RALYL: variants seen among roughly 807,000 people sequenced by gnomAD.
The protein encoded by RALYL is RALY RNA binding protein like, also known as RNA-binding Raly-like protein.
A neutral mutation model predicts 35.1 loss-of-function variants in RALYL; 29 were observed. The observed-to-expected ratio is 0.83, with a 90% CI of 0.61 to 1.13. The LOEUF (loss-of-function observed/expected upper bound fraction) is 1.13. Among genes scored for constraint, RALYL ranks in the 50% most tolerant of loss-of-function variants. RALYL has a pLI of 0.00. For missense variants in RALYL, 359 were observed against 360.4 expected (o/e 1.00, Z 0.03); for synonymous variants, 120 against 127.6 (o/e 0.94, Z 0.40).
intron 1 of RALYL, among the ~76,000 whole-genome samples, chr8:84,196,307 A>G (rs1815260887): frequency 6.6e-6 from 1 of 152,224 alleles, no homozygotes; most frequent in African/African-American, 2.4e-5. Context: ...ATGGAAGAGA[A>G]AGAAGGAGGT....
Position 84,873,282 on chromosome 8 carries a change from A to G in RALYL, c.572-2A>G. 1 of 1,530,306 alleles carries G rather than the reference A, an allele frequency of 6.5e-7. No individual in the cohort carries two copies. 94.8% of individuals were successfully genotyped at this position (1,530,306 alleles called of 1,614,324 possible). A position where few individuals can be genotyped will look rare whatever the true frequency, so the allele number is the denominator to read the frequency against. ...GTTTTCTTCCTTCTTTCTACTTTCCAGTGAAATCAGATGAGTTACAGACCA... is the reference window on the plus strand; with the variant it reads ...GTTTTCTTCCTTCTTTCTACTTTCCGGTGAAATCAGATGAGTTACAGACCA... On this transcript the variant is annotated splice_acceptor_variant, in intron 6 of 8. Coordinates refer to ENST00000521268, the MANE Select transcript of RALYL (RefSeq NM_173848.7). LOFTEE classifies it high-confidence loss of function.
intron 1 of RALYL, among the ~76,000 whole-genome samples, chr8:84,478,786 C>A (rs1032268184): frequency 1.2e-4 from 18 of 151,650 alleles, no homozygotes; most frequent in Admixed American, 8.6e-4. Context: ...GTTTATCTTG[C>A]CTTAGGAATC....
intron 4 of RALYL, among the ~76,000 whole-genome samples, chr8:84,834,373 AC>A (rs1210568020): frequency 2.0e-5 from 3 of 152,226 alleles, no homozygotes; most frequent in African/African-American, 7.2e-5. Context: ...TGCAAATCTC[AC>A]TGGAGGAGAT....
chr8:84,638,948 G>A (rs1225315676), intron 2 of RALYL, among the ~76,000 whole-genome samples: 63 of 42,600 alleles, frequency 1.5e-3, no homozygotes, highest in Middle Eastern at 0.014. Flanking sequence ...CCATATATAT[G>A]TACACACACA....
At chr8:84,324,823 G>T (rs1014415342) in intron 1 of RALYL, among the ~76,000 whole-genome samples, 4 of 152,026 alleles carry the variant, frequency 2.6e-5, no homozygotes, top group Admixed American at 1.3e-4. Context: ...GATTATGAAG[G>T]TATTAAATTC....
intron 4 of RALYL, among the ~76,000 whole-genome samples, chr8:84,831,615 T>C (rs1830943217): frequency 6.6e-6 from 1 of 152,164 alleles, no homozygotes; most frequent in Non-Finnish European, 1.5e-5. Context: ...AATGACTATG[T>C]AGAAAAATAA....
intron 1 of RALYL, among the ~76,000 whole-genome samples, chr8:84,502,419 G>A (rs2056777648): frequency 1.3e-5 from 2 of 151,844 alleles, no homozygotes; most frequent in Non-Finnish European, 2.9e-5. Context: ...TTTTTATTCT[G>A]AGAACAAATT....
At chr8:84,214,568 C>T (rs527906570) in intron 1 of RALYL, among the ~76,000 whole-genome samples, 11 of 152,124 alleles carry the variant, frequency 7.2e-5, no homozygotes, top group African/African-American at 2.4e-4. Context: ...TTTTCAAATA[C>T]TGTGAGAGGC....
intron 8 of RALYL, among the ~76,000 whole-genome samples, chr8:84,889,370 G>A (rs1843442584): frequency 6.6e-6 from 1 of 152,096 alleles, no homozygotes; most frequent in African/African-American, 2.4e-5. Flanking sequence ...TTACTTCTCT[G>A]TTCTTATTTT....
At chr8:84,892,903 G>A (rs1003955099) in intron 8 of RALYL, among the ~76,000 whole-genome samples, 2 of 152,106 alleles carry the variant, frequency 1.3e-5, no homozygotes, top group African/African-American at 2.4e-5. Flanking sequence ...CTGTATTGAT[G>A]CACTATACAT....
intron 2 of RALYL, among the ~76,000 whole-genome samples, chr8:84,774,175 C>A (rs942309261): frequency 2.0e-5 from 3 of 152,204 alleles, no homozygotes; most frequent in South Asian, 4.1e-4. Flanking sequence ...GCAACGATTT[C>A]CCCACTGCAC....
chr8:84,185,080 G>C (rs1812159978), intron 1 of RALYL: 1 of 1,561,700 alleles, frequency 6.4e-7, no homozygotes, highest in Non-Finnish European at 8.8e-7. Flanking sequence ...GCTGTCTTTG[G>C]ATCTTTTTTT....
At chr8:84,916,976 T>G (rs987630155) in intron 8 of RALYL, among the ~76,000 whole-genome samples, 15 of 152,160 alleles carry the variant, frequency 9.9e-5, no homozygotes, top group Admixed American at 2.6e-4. Context: ...TTCCTTTTCC[T>G]TTTATGATTG....
chr8:84,361,752 G>T (rs1586600789), intron 1 of RALYL, among the ~76,000 whole-genome samples: 1 of 152,058 alleles, frequency 6.6e-6, no homozygotes, highest in South Asian at 2.1e-4. Flanking sequence ...TTGAGAAAAA[G>T]AAAAAGAATA....
chr8:84,659,440 G>A (rs957644334), intron 2 of RALYL, among the ~76,000 whole-genome samples: 1 of 152,092 alleles, frequency 6.6e-6, no homozygotes, highest in Non-Finnish European at 1.5e-5. Context: ...CCCCTGAAGA[G>A]TGAGCCTTTG....
At chr8:84,289,537 AT>A (rs924202421) in intron 1 of RALYL, among the ~76,000 whole-genome samples, 34 of 149,798 alleles carry the variant, frequency 2.3e-4, no homozygotes, top group African/African-American at 4.4e-4. Context: ...CGTTCAGAAT[AT>A]TTTTTTTTTA....
chr8:84,837,831 C>T (rs1045382811), intron 4 of RALYL, among the ~76,000 whole-genome samples: 1 of 152,148 alleles, frequency 6.6e-6, no homozygotes, highest in African/African-American at 2.4e-5. Context: ...TTGCACTAAA[C>T]ATTCAAAACC....
At chr8:84,656,221 T>A (rs1243817533) in intron 2 of RALYL, among the ~76,000 whole-genome samples, 1 of 152,170 alleles carries the variant, frequency 6.6e-6, no homozygotes, top group Non-Finnish European at 1.5e-5. Flanking sequence ...CTTTTAGTTA[T>A]ACCATGTGTC....
At chr8:84,572,548 TTGGCAAAA>T (rs1808267238) in intron 2 of RALYL, among the ~76,000 whole-genome samples, 1 of 151,808 alleles carries the variant, frequency 6.6e-6, no homozygotes, top group Non-Finnish European at 1.5e-5. Context: ...TACAGTGGTA[TTGGCAAAA>T]TTAGGCAAAT....
Sources: gnomAD v4.1 joint callset for allele counts (sites outside exome capture counted in the v4.1 genomes callset) on GRCh38, gnomAD v4.1.1 for gene constraint, MANE v1.5 for transcripts, NCBI Gene and HGNC (gene_info 2026-07-23, HGNC 2026-07-21) for gene names.